Variants in RTF1 observed in about 807,000 individuals in gnomAD.
The protein encoded by RTF1 is RTF1 homolog, Paf1/RNA polymerase II complex component.
RTF1 carries 10 observed loss-of-function variants against 95.7 expected under a neutral mutation model. The observed-to-expected ratio is 0.10, with a 90% CI of 0.06 to 0.18. The LOEUF is 0.18. RTF1 is among the 10% of genes least tolerant of loss of function. The pLI is 1.00. For synonymous variants in RTF1, 305 were observed against 311.8 expected (o/e 0.98, Z 0.23); for missense variants, 458 against 875.6 (o/e 0.52, Z 6.02).
chr15:41,421,854 G>T (rs751913388), intron 1 of RTF1, among the ~76,000 whole-genome samples: 2 of 151,732 alleles, frequency 1.3e-5, no homozygotes, highest in Non-Finnish European at 2.9e-5. Context: ...GGGACTACAG[G>T]TGTGCACCAC....
intron 1 of RTF1, among the ~76,000 whole-genome samples, chr15:41,423,190 T>C (rs924617783): frequency 5.3e-5 from 8 of 152,230 alleles, no homozygotes; most frequent in African/African-American, 1.9e-4. Context: ...AAAGTTGTGC[T>C]TCTTGTTAAT....
At position 41,417,332 on chromosome 15, in the gene RTF1, G is replaced by T. The variant is rs2050576309; in HGVS notation, c.198+19G>T. 8.0e-7 allele frequency: 1 copy of T among 1,246,086 alleles called. No homozygotes were observed. Among genetic ancestry groups the T allele is most frequent in the East Asian group, 3.2e-5 (1 of 31,670 alleles). The allele number at this position is 1,246,086 out of a possible 1,614,324, so 77.2% of individuals were successfully genotyped here. The stretch of plus-strand genomic sequence containing the variant: ...GGATCAGGTGAGGGCAGGCCGCGGA[G>T]GCGCGGGCCGGCGGAGCCAGAGGGC... On this transcript the variant is annotated intron_variant, in intron 1 of 17. Transcript: ENST00000389629.
chr15:41,469,049 A>C (rs189949782), intron 6 of RTF1, among the ~76,000 whole-genome samples: 1 of 151,660 alleles, frequency 6.6e-6, no homozygotes, highest in Non-Finnish European at 1.5e-5. Flanking sequence ...GCTCATTGCA[A>C]CCTTCACCTC....
rs776417145 is a variant in RTF1, at chr15:41,476,398, A to G, written c.1483-48A>G. 22 of 1,551,738 alleles carry G rather than the reference A, an allele frequency of 1.4e-5. No individual in the cohort carries two copies. The South Asian group carries it at 2.2e-4, about 16-fold the overall frequency. ...AATGGGCTCACTTAGCCTGTCTACA[A>G]AAATAGCTTAGGAATACCTCACTGC... is the stretch of plus-strand genomic sequence containing the variant. On this transcript the variant is annotated intron_variant, in intron 11 of 17. Coordinates refer to ENST00000389629, the MANE Select transcript of RTF1 (RefSeq NM_015138.5).
intron 1 of RTF1, among the ~76,000 whole-genome samples, chr15:41,436,774 A>G (rs1254199172): frequency 1.3e-5 from 2 of 151,984 alleles, no homozygotes; most frequent in East Asian, 3.8e-4. Context: ...AGACTGGGCA[A>G]CAGAGTGAGT....
chr15:41,434,588 A>C (rs1289096524), intron 1 of RTF1, among the ~76,000 whole-genome samples: 5 of 150,566 alleles, frequency 3.3e-5, no homozygotes, highest in Non-Finnish European at 7.4e-5. Context: ...TGGGATATGG[A>C]GTGGAACCTC....
chr15:41,459,792 C>T (rs1257910903), intron 4 of RTF1, among the ~76,000 whole-genome samples: 2 of 152,052 alleles, frequency 1.3e-5, no homozygotes, highest in African/African-American at 4.8e-5. Flanking sequence ...GAAGCTGCTT[C>T]AATGTTTTGA....
chr15:41,469,827 A>G (rs116856005), intron 6 of RTF1, among the ~76,000 whole-genome samples: 2,155 of 152,248 alleles, frequency 0.014, 31 homozygotes, highest in Non-Finnish European at 0.023. Context: ...ACCCGTCCCC[A>G]CGTTCCTTTT....
intron 1 of RTF1, among the ~76,000 whole-genome samples, chr15:41,425,247 G>A (rs1056652478): frequency 1.3e-5 from 2 of 151,816 alleles, no homozygotes; most frequent in Non-Finnish European, 1.5e-5. Context: ...GACTATAGGC[G>A]CCTGCCACTG....
intron 12 of RTF1, 94 bp from the exon 13 acceptor site, chr15:41,477,071 A>T (rs898793919): frequency 1.3e-6 from 2 of 1,505,682 alleles, no homozygotes; most frequent in Non-Finnish European, 1.8e-6. Context: ...TCACCACATG[A>T]GATATCTTTG....
chr15:41,457,983 A>G, intron 4 of RTF1, 107 bp downstream of exon 4: 1 of 794,610 alleles, frequency 1.3e-6, no homozygotes, highest in South Asian at 1.7e-5. Flanking sequence ...GGAGACTGGC[A>G]TTTGGAATTG....
At chr15:41,470,137 T>C in intron 6 of RTF1, 120 bp from the exon 7 acceptor site, 1 of 1,039,468 alleles carries the variant, frequency 9.6e-7, no homozygotes, top group Non-Finnish European at 1.4e-6. Flanking sequence ...GTTAGCACAA[T>C]CCAGTCTAGA....
chr15:41,456,738 C>T (rs1221941731), intron 3 of RTF1, among the ~76,000 whole-genome samples: 2 of 151,588 alleles, frequency 1.3e-5, no homozygotes, highest in Non-Finnish European at 1.5e-5. Flanking sequence ...GGCAGTGAGC[C>T]GAGATCGCGC....
chr15:41,445,022 C>T (rs558106992), intron 2 of RTF1, among the ~76,000 whole-genome samples: 5 of 152,252 alleles, frequency 3.3e-5, no homozygotes, highest in Admixed American at 1.3e-4. Flanking sequence ...AGCTCCACCT[C>T]CCGGATTCAC....
chr15:41,440,608 A>T (rs1307203936), intron 2 of RTF1, among the ~76,000 whole-genome samples: 5 of 140,904 alleles, frequency 3.5e-5, no homozygotes, highest in African/African-American at 8.0e-5. Context: ...TCCTGTCTCA[A>T]CCTCCCAAGT....
At chr15:41,470,653 T>TC in intron 7 of RTF1, among the ~76,000 whole-genome samples, 1 of 121,808 alleles carries the variant, frequency 8.2e-6, no homozygotes, top group East Asian at 2.2e-4. Context: ...TCATTTTCTT[T>TC]TTTTTTTTTT....
intron 10 of RTF1, 35 bp from the exon 11 acceptor site, chr15:41,475,677 C>T (rs1451413642): frequency 1.2e-6 from 2 of 1,601,636 alleles, no homozygotes; most frequent in Non-Finnish European, 1.7e-6. Flanking sequence ...TCCAAAATCC[C>T]TTACTAATAA....
chr15:41,417,167 G>C lies in RTF1; in HGVS notation c.52G>C (p.Ala18Pro). The C allele has an allele frequency of 7.9e-7, 1 of 1,262,810 alleles. No individual in the cohort carries two copies. Among genetic ancestry groups the C allele is most frequent in the Non-Finnish European group, 1.0e-6 (1 of 999,956 alleles). 78.2% of individuals were successfully genotyped at this position (1,262,810 alleles called of 1,614,324 possible). The change falls in exon 1 of 18, where the codon GCG (alanine) becomes CCG (proline). Residue 18 changes from alanine (A) to proline (P), a missense_variant. Transcript: ENST00000389629. ...GRAAAAAAAV[A>P]VPLAGGQEGS... ...AGCAGCGGCGGCGGCGGCGGCAGTG[G>C]CGGTCCCACTGGCAGGCGGGCAAGA... is the stretch of plus-strand genomic sequence containing the variant.
At chr15:41,453,913 G>A (rs918104656) in intron 3 of RTF1, among the ~76,000 whole-genome samples, 1 of 152,026 alleles carries the variant, frequency 6.6e-6, no homozygotes, top group African/African-American at 2.4e-5. Flanking sequence ...TTGAGCACAT[G>A]CCTATGAATG....
Sources: allele counts gnomAD v4.1 joint callset (sites outside exome capture counted in the v4.1 genomes callset), GRCh38; gene constraint gnomAD v4.1.1; transcripts MANE v1.5; gene names NCBI Gene and HGNC (gene_info 2026-07-23, HGNC 2026-07-21).